The following C8orf34 variants were observed in gnomAD, a reference collection of about 807,000 sequenced individuals.
The protein encoded by C8orf34 is chromosome 8 open reading frame 34.
In C8orf34, 65 loss-of-function variants were observed where a neutral mutation model predicts 68.3. The ratio of observed to expected loss-of-function variants is 0.95; its 90% CI spans 0.78 to 1.17. The LOEUF (loss-of-function observed/expected upper bound fraction) is 1.17. Among genes scored for constraint, C8orf34 ranks in the 50% most tolerant of loss-of-function variants. C8orf34 has a pLI of 0.00. For missense variants in C8orf34, 664 were observed against 655.4 expected, an observed-to-expected ratio of 1.01 and a Z score of -0.14; for synonymous variants, 244 against 241.2, an observed-to-expected ratio of 1.01 and a Z score of -0.11.
At chr8:68,811,843 A>G (rs1337757680) in intron 12 of C8orf34, among the ~76,000 whole-genome samples, 1 of 152,192 alleles carries the variant, frequency 6.6e-6, no homozygotes, top group East Asian at 1.9e-4. Context: ...ACAAACTCAG[A>G]TTTGTTAAAT....
chr8:68,766,191 T>G (rs1823169391), intron 10 of C8orf34, among the ~76,000 whole-genome samples: 1 of 152,236 alleles, frequency 6.6e-6, no homozygotes, highest in South Asian at 2.1e-4. Context: ...ATGAGAGACG[T>G]AAAGTCCTTG....
At chr8:68,793,710 A>G (rs1259637426) in intron 12 of C8orf34, among the ~76,000 whole-genome samples, 2 of 152,284 alleles carry the variant, frequency 1.3e-5, no homozygotes, top group African/African-American at 4.8e-5. Context: ...TGGGCTTAAT[A>G]CCTATAGGTG....
intron 3 of C8orf34, among the ~76,000 whole-genome samples, chr8:68,459,231 T>C (rs1811680768): frequency 6.6e-6 from 1 of 152,056 alleles, no homozygotes; most frequent in Admixed American, 6.5e-5. Context: ...TTCATTTTCT[T>C]TTTTTCTTTT....
rs371784212 is a variant in C8orf34 at position 68,491,250 on chromosome 8, T to A, written c.765+3199T>A. Among the ~76,000 whole-genome samples, 15 of 152,286 alleles carry A rather than the reference T, an allele frequency of 9.8e-5. No individual in the cohort carries two copies. In the East Asian group the frequency reaches 2.3e-3, roughly 23 times the overall value. On this transcript the variant is annotated intron_variant, in intron 5 of 13. Transcript: ENST00000518698. ...GGTTATTATTTTTTAAGCTTTTTTT[T>A]TTTTAAGTTGTGGGAATTCCATCAA...
intron 7 of C8orf34, among the ~76,000 whole-genome samples, chr8:68,596,952 T>C (rs1300480046): frequency 2.6e-5 from 4 of 152,178 alleles, no homozygotes; most frequent in African/African-American, 9.6e-5. Flanking sequence ...CTTCTCAAAG[T>C]ATATATAGTA....
chr8:68,646,065 G>T (rs966530489), intron 8 of C8orf34, among the ~76,000 whole-genome samples: 4 of 152,102 alleles, frequency 2.6e-5, no homozygotes, highest in African/African-American at 9.7e-5. Flanking sequence ...GGAGGCTCCT[G>T]TGTCACTTAA....
chr8:68,529,762 C>A (rs1329955737), intron 6 of C8orf34, among the ~76,000 whole-genome samples: 1 of 151,956 alleles, frequency 6.6e-6, no homozygotes, highest in African/African-American at 2.4e-5. Flanking sequence ...AATATGTTTG[C>A]CTTTTAGAAA....
chr8:68,636,368 G>C (rs1001856416), intron 7 of C8orf34, among the ~76,000 whole-genome samples: 7 of 151,108 alleles, frequency 4.6e-5, no homozygotes, highest in Non-Finnish European at 1.0e-4. Context: ...AAGGTCAGGA[G>C]ATCGAGAACA....
At chr8:68,473,435 C>T (rs368216748) in intron 4 of C8orf34, among the ~76,000 whole-genome samples, 63 of 152,248 alleles carry the variant, frequency 4.1e-4, no homozygotes, top group African/African-American at 1.1e-3. Flanking sequence ...TGCTCCCTAC[C>T]GCACACGTGG....
chr8:68,380,308 C>G (rs749641383), intron 1 of C8orf34, among the ~76,000 whole-genome samples: 1 of 152,132 alleles, frequency 6.6e-6, no homozygotes, highest in Non-Finnish European at 1.5e-5. Context: ...TTTGCCATGA[C>G]AGGAACAAGA....
chr8:68,602,344 A>G lies in C8orf34; in HGVS notation c.1106-38032A>G, dbSNP rs550799072. On this transcript the variant is annotated intron_variant, in intron 7 of 13. Coordinates refer to ENST00000518698, the MANE Select transcript of C8orf34 (RefSeq NM_052958.4). ...AAAGAGAATGGGTAATTTGTAAATG[A>G]AAAAGGTTTAATTGATTCACAGTTT... is the stretch of plus-strand genomic sequence containing the variant. Among the ~76,000 whole-genome samples, 5 of 152,280 alleles carry G rather than the reference A, an allele frequency of 3.3e-5. No individual in the cohort carries two copies. The East Asian group carries it at 9.7e-4, about 29-fold the overall frequency.
chr8:68,512,614 AAATAT>A (rs1250871833), intron 5 of C8orf34, among the ~76,000 whole-genome samples: 1 of 152,170 alleles, frequency 6.6e-6, no homozygotes, highest in African/African-American at 2.4e-5. Flanking sequence ...TTTTATAACT[AAATAT>A]AACATATTTA....
At chr8:68,421,533 T>C (rs574262056) in intron 1 of C8orf34, among the ~76,000 whole-genome samples, 1 of 152,312 alleles carries the variant, frequency 6.6e-6, no homozygotes, top group Admixed American at 6.5e-5. Flanking sequence ...GATATGTCAG[T>C]AGTATCATCA....
intron 11 of C8orf34, among the ~76,000 whole-genome samples, chr8:68,783,605 C>A (rs1012817030): frequency 6.6e-6 from 1 of 151,416 alleles, no homozygotes; most frequent in African/African-American, 2.4e-5. Flanking sequence ...AAGAATGCAA[C>A]CTTTTGTCTC....
At chr8:68,774,330 T>TATATATATATATATATATATATATAA (rs1823442139) in intron 10 of C8orf34, among the ~76,000 whole-genome samples, 1 of 136,122 alleles carries the variant, frequency 7.3e-6, no homozygotes, top group Non-Finnish European at 1.5e-5. Flanking sequence ...TGGGTGTGTG[T>TATATATATATATATATATATATATAA]GTATATATAT....
At chr8:68,368,824 A>T (rs867517568) in intron 1 of C8orf34, among the ~76,000 whole-genome samples, 23 of 152,298 alleles carry the variant, frequency 1.5e-4, no homozygotes, top group African/African-American at 4.8e-4. Flanking sequence ...TCAGGTTAAG[A>T]TGTATAATCT....
At chr8:68,486,718 T>C (rs1813094748) in intron 4 of C8orf34, among the ~76,000 whole-genome samples, 1 of 152,220 alleles carries the variant, frequency 6.6e-6, no homozygotes, top group Non-Finnish European at 1.5e-5. Flanking sequence ...GCAGGGGATC[T>C]GAACCCTGTA....
intron 1 of C8orf34, among the ~76,000 whole-genome samples, chr8:68,387,552 T>C (rs1020946853): frequency 6.6e-6 from 1 of 152,176 alleles, no homozygotes; most frequent in East Asian, 1.9e-4. Context: ...GGAGCAGCCA[T>C]GCTGGTGGAG....
chr8:68,676,672 A>C (rs551626811), intron 8 of C8orf34, among the ~76,000 whole-genome samples: 2 of 152,332 alleles, frequency 1.3e-5, no homozygotes, highest in East Asian at 3.9e-4. Flanking sequence ...CAAAAAATCT[A>C]TAAATTTTTA....
Sources: gnomAD v4.1 joint callset for allele counts (sites outside exome capture counted in the v4.1 genomes callset) on GRCh38, gnomAD v4.1.1 for gene constraint, MANE v1.5 for transcripts, NCBI Gene and HGNC (gene_info 2026-07-23, HGNC 2026-07-21) for gene names.